The following PDGFC variants were observed in gnomAD, a reference collection of about 807,000 sequenced individuals.
PDGFC encodes platelet derived growth factor C, also known as platelet-derived growth factor C.
In PDGFC, 12 loss-of-function variants were observed where a neutral mutation model predicts 35.5. That is an observed-to-expected ratio of 0.34 (90% confidence interval 0.22 to 0.55). The LOEUF is 0.55. PDGFC is among the 20% of genes least tolerant of loss of function. PDGFC has a pLI of 0.91. For missense variants in PDGFC, 322 were observed against 412.4 expected (o/e 0.78, Z 1.90); for synonymous variants, 159 against 148.8 (o/e 1.07, Z -0.50).
At chr4:156,939,416 G>T (rs779817422) in intron 1 of PDGFC, among the ~76,000 whole-genome samples, 2 of 151,926 alleles carry the variant, frequency 1.3e-5, no homozygotes, top group African/African-American at 2.4e-5. Context: ...AAATCCTATA[G>T]TCAGCAAGGC....
At chr4:156,852,252 GGA>G (rs1210739986) in intron 1 of PDGFC, among the ~76,000 whole-genome samples, 4 of 152,086 alleles carry the variant, frequency 2.6e-5, no homozygotes, top group Non-Finnish European at 5.9e-5. Context: ...GTAACATCAT[GGA>G]GAGATTACTC....
chr4:156,796,701 G>A (rs1054934354), intron 3 of PDGFC, among the ~76,000 whole-genome samples: 24 of 151,922 alleles, frequency 1.6e-4, no homozygotes, highest in Non-Finnish European at 3.1e-4. Flanking sequence ...AGGCAAAATG[G>A]TGATGATTTA....
intron 1 of PDGFC, among the ~76,000 whole-genome samples, chr4:156,962,558 A>G (rs1388256764): frequency 1.3e-5 from 2 of 152,174 alleles, no homozygotes; most frequent in Non-Finnish European, 2.9e-5. Flanking sequence ...TCTTCTCTGC[A>G]TATGCGGCAC....
intron 1 of PDGFC, among the ~76,000 whole-genome samples, chr4:156,908,327 T>C (rs1401919953): frequency 6.6e-6 from 1 of 152,154 alleles, no homozygotes; most frequent in African/African-American, 2.4e-5. Context: ...GGTGTCAATA[T>C]ATAATACTTT....
At chr4:156,779,060 A>C (rs1730910236) in intron 3 of PDGFC, 1 of 444,744 alleles carries the variant, frequency 2.2e-6, no homozygotes, top group Admixed American at 2.5e-5. Flanking sequence ...ATGTAATGTC[A>C]AACTGATATA....
chr4:156,793,430 G>A (rs934019816), intron 3 of PDGFC, among the ~76,000 whole-genome samples: 11 of 150,672 alleles, frequency 7.3e-5, no homozygotes, highest in African/African-American at 2.7e-4. Flanking sequence ...GTTTAGTGGA[G>A]TTGTGAAATC....
chr4:156,881,827 C>CAAA (rs758716456), intron 1 of PDGFC, among the ~76,000 whole-genome samples: 1 of 82,254 alleles, frequency 1.2e-5, no homozygotes, highest in African/African-American at 3.9e-5. Flanking sequence ...GCCTCAGTCT[C>CAAA]AAAAAAAAAA....
chr4:156,821,206 TGTGTGA>T (rs1210122212), intron 2 of PDGFC, among the ~76,000 whole-genome samples: 35 of 151,030 alleles, frequency 2.3e-4, no homozygotes, highest in Non-Finnish European at 8.9e-5. Flanking sequence ...TGTGTGTGTG[TGTGTGA>T]ATGTGTGTGA....
chr4:156,961,367 T>C (rs1393832139), intron 1 of PDGFC, among the ~76,000 whole-genome samples: 2 of 152,094 alleles, frequency 1.3e-5, no homozygotes, highest in African/African-American at 4.8e-5. Flanking sequence ...CTGATCTCTG[T>C]AGTGACTCAA....
At chr4:156,928,368 G>T (rs1257650145) in intron 1 of PDGFC, among the ~76,000 whole-genome samples, 2 of 152,124 alleles carry the variant, frequency 1.3e-5, no homozygotes, top group Non-Finnish European at 1.5e-5. Flanking sequence ...TGGAACTGCA[G>T]CTCTACCTGA....
At chr4:156,955,797 GAC>G (rs1323133210) in intron 1 of PDGFC, among the ~76,000 whole-genome samples, 1 of 151,966 alleles carries the variant, frequency 6.6e-6, no homozygotes, top group Non-Finnish European at 1.5e-5. Context: ...TAGTATGTCT[GAC>G]ACAGCCCTCA....
chr4:156,936,796 C>A (rs1391910501), intron 1 of PDGFC, among the ~76,000 whole-genome samples: 1 of 152,106 alleles, frequency 6.6e-6, no homozygotes, highest in Non-Finnish European at 1.5e-5. Flanking sequence ...GGAATACTAT[C>A]GTATTGCCTT....
intron 1 of PDGFC, among the ~76,000 whole-genome samples, chr4:156,932,077 G>A (rs1252558533): frequency 6.6e-6 from 1 of 152,058 alleles, no homozygotes; most frequent in Non-Finnish European, 1.5e-5. Flanking sequence ...CTAATGTAAT[G>A]CTAATTTAAT....
intron 1 of PDGFC, among the ~76,000 whole-genome samples, chr4:156,894,500 C>A (rs1381481436): frequency 6.6e-6 from 1 of 152,102 alleles, no homozygotes; most frequent in Non-Finnish European, 1.5e-5. Context: ...ATAATGCATA[C>A]AATAGGAGTT....
At chr4:156,861,947 A>C (rs1423220609) in intron 1 of PDGFC, among the ~76,000 whole-genome samples, 2 of 152,142 alleles carry the variant, frequency 1.3e-5, no homozygotes, top group Non-Finnish European at 2.9e-5. Flanking sequence ...TACATATTTA[A>C]AAGTTCCATA....
chr4:156,813,849 T>A (rs1732007030), intron 2 of PDGFC, among the ~76,000 whole-genome samples: 1 of 152,136 alleles, frequency 6.6e-6, no homozygotes, highest in Non-Finnish European at 1.5e-5. Context: ...AAATTGAAGA[T>A]CTGGTAATAA....
intron 1 of PDGFC, among the ~76,000 whole-genome samples, chr4:156,854,828 T>A (rs1462402022): frequency 6.6e-6 from 1 of 152,124 alleles, no homozygotes; most frequent in African/African-American, 2.4e-5. Context: ...AAAAAAAAAG[T>A]TTATAGTCAA....
At chr4:156,960,838 AAG>A (rs1360412400) in intron 1 of PDGFC, among the ~76,000 whole-genome samples, 2 of 152,108 alleles carry the variant, frequency 1.3e-5, no homozygotes, top group African/African-American at 2.4e-5. Context: ...ACACTCTAGT[AAG>A]AGAGAGTCTT....
At chr4:156,954,191 T>C (rs1324747047) in intron 1 of PDGFC, among the ~76,000 whole-genome samples, 2 of 151,972 alleles carry the variant, frequency 1.3e-5, no homozygotes, top group Non-Finnish European at 2.9e-5. Flanking sequence ...GTCATGAATT[T>C]TGAACTCTCT....
Sources: gnomAD v4.1 joint callset for allele counts (sites outside exome capture counted in the v4.1 genomes callset) on GRCh38, gnomAD v4.1.1 for gene constraint, MANE v1.5 for transcripts, NCBI Gene and HGNC (gene_info 2026-07-23, HGNC 2026-07-21) for gene names.